Variants in SFTPD observed in about 807,000 individuals in gnomAD.
SFTPD encodes pulmonary surfactant-associated protein D.
A neutral mutation model predicts 34.6 loss-of-function variants in SFTPD; 18 were observed. That is an observed-to-expected ratio of 0.52 (90% CI 0.36 to 0.77). The LOEUF (loss-of-function observed/expected upper bound fraction) is 0.77. SFTPD is among the 30% of genes least tolerant of loss of function. The pLI, the probability that SFTPD is intolerant of heterozygous loss-of-function variation, is 0.00. For synonymous variants in SFTPD, 155 were observed against 180.9 expected (o/e 0.86, Z 1.15); for missense variants, 433 against 468.9 (o/e 0.92, Z 0.71).
At chr10:79,980,177 T>C (rs1219482885) in intron 1 of SFTPD, among the ~76,000 whole-genome samples, 4 of 152,118 alleles carry the variant, frequency 2.6e-5, no homozygotes, top group Non-Finnish European at 4.4e-5. Flanking sequence ...GCTGGCATCA[T>C]GTGCAACCCA....
At chr10:79,954,162 T>G (rs61858839) in intron 1 of SFTPD, among the ~76,000 whole-genome samples, 6 of 152,064 alleles carry the variant, frequency 3.9e-5, no homozygotes, top group African/African-American at 9.7e-5. Flanking sequence ...CAGATTGTGG[T>G]TTGGTTTGGT....
chr10:79,971,011 G>T (rs1251524444), intron 1 of SFTPD: 2 of 152,078 alleles, frequency 1.3e-5, no homozygotes, highest in Non-Finnish European at 2.9e-5. Flanking sequence ...TTTGTTATAT[G>T]TAGTCTTTAT....
At chr10:79,938,786 A>G (rs1362337342) in intron 7 of SFTPD, among the ~76,000 whole-genome samples, 1 of 152,168 alleles carries the variant, frequency 6.6e-6, no homozygotes, top group East Asian at 1.9e-4. Context: ...AGGAGAGGAC[A>G]TCTGAAAGCT....
chr10:79,957,240 G>A (rs1456653942), intron 1 of SFTPD, among the ~76,000 whole-genome samples: 2 of 152,210 alleles, frequency 1.3e-5, no homozygotes, highest in Non-Finnish European at 2.9e-5. Flanking sequence ...AAAAAGCAGA[G>A]TGCCTCTCCT....
chr10:79,941,278 C>T (rs1394719094), intron 6 of SFTPD, 120 bp downstream of exon 6: 1 of 852,130 alleles, frequency 1.2e-6, no homozygotes, highest in Non-Finnish European at 1.9e-6. Context: ...TGAGTTCCAC[C>T]CACCAGCTGC....
intron 1 of SFTPD, chr10:79,972,821 G>A (rs1004100218): frequency 6.6e-6 from 1 of 152,148 alleles, no homozygotes; most frequent in African/African-American, 2.4e-5. Flanking sequence ...CTCCCTTTTG[G>A]CAAGTTCAAA....
Position 79,942,024 on chromosome 10 carries a change from G to T in SFTPD, c.480C>A (p.Gly160=). Residue 160 remains glycine (G), a synonymous_variant, in exon 5 of 8, where the codon GGC becomes GGA. Coordinates refer to ENST00000372292, the MANE Select transcript of SFTPD (RefSeq NM_003019.5). The part of the protein sequence containing the change: ...PGMQGSAGAR[G]LAGPKGERGV... The stretch of plus-strand genomic sequence containing the variant: ...CTCGCTCTCCCTTAGGGCCTGCGAG[G>T]CCTCTTGCCCCTGCCGAGCCCTGCA... 6.2e-7 allele frequency: 1 copy of T among 1,613,992 alleles called. No individual in the cohort carries two copies. The highest frequency in any genetic ancestry group is 8.5e-7 in the Non-Finnish European group (1 of 1,179,958).
At chr10:79,955,173 T>G (rs1288499285) in intron 1 of SFTPD, among the ~76,000 whole-genome samples, 2 of 152,184 alleles carry the variant, frequency 1.3e-5, no homozygotes, top group Non-Finnish European at 2.9e-5. Flanking sequence ...CACAGCCTGG[T>G]GTTGGGTCTG....
intron 1 of SFTPD, among the ~76,000 whole-genome samples, chr10:79,974,031 GAC>G (rs1842850197): frequency 1.3e-5 from 2 of 150,166 alleles, no homozygotes; most frequent in African/African-American, 2.5e-5. Context: ...CAGACAGACA[GAC>G]ACACACCCAC....
intron 2 of SFTPD, 34 bp from the exon 3 acceptor site, chr10:79,942,913 C>T (rs774357693): frequency 1.4e-6 from 2 of 1,439,838 alleles, no homozygotes; most frequent in Non-Finnish European, 2.0e-6. Flanking sequence ...AAAGACCTGG[C>T]CCTAGACCCA....
intron 1 of SFTPD, among the ~76,000 whole-genome samples, chr10:79,975,924 C>G (rs977263912): frequency 6.6e-6 from 1 of 152,200 alleles, no homozygotes; most frequent in African/African-American, 2.4e-5. Flanking sequence ...GTTTTCCACC[C>G]TGGGTGGGCC....
In SFTPD at chr10:79,938,011, C is replaced by A; in HGVS notation, c.969G>T (p.Lys323Asn). ...LSMTDSKTEG[K>N]FTYPTGESLV... The stretch of plus-strand genomic sequence containing the variant: ...GGGACTCTCCTGTGGGGTAGGTGAA[C>A]TTGCCCTCTGTCTTGGAATCAGTCA... Residue 323 changes from lysine (K) to asparagine (N), a missense_variant, in exon 8 of 8, where the codon AAG (lysine) becomes AAT (asparagine). By Grantham distance (94) the Lys-to-Asn change is moderately conservative. Coordinates refer to ENST00000372292, the MANE Select transcript of SFTPD (RefSeq NM_003019.5). 1 of 1,613,930 alleles carries A rather than the reference C, an allele frequency of 6.2e-7. No homozygotes were observed. The highest frequency in any genetic ancestry group is 8.5e-7 in the Non-Finnish European group (1 of 1,179,844).
At chr10:79,960,076 C>A (rs1325924921) in intron 1 of SFTPD, among the ~76,000 whole-genome samples, 13 of 149,322 alleles carry the variant, frequency 8.7e-5, no homozygotes, top group Non-Finnish European at 1.3e-4. Flanking sequence ...GCAGAAAAGG[C>A]CTTTGACAAA....
At chr10:79,944,005 T>G (rs1275683741) in intron 2 of SFTPD, among the ~76,000 whole-genome samples, 2 of 152,202 alleles carry the variant, frequency 1.3e-5, no homozygotes, top group African/African-American at 2.4e-5. Context: ...AGCACCAGGG[T>G]GGAGGAGGGG....
rs144106182 is a variant in SFTPD at position 79,974,102 on chromosome 10, C to T, written c.36+8473G>A. 6.4e-3 allele frequency among the ~76,000 whole-genome samples: 969 copies of T among 152,258 alleles called. 14 individuals carry two copies. Among genetic ancestry groups the T allele is most frequent in the African/African-American group, 0.022 (930 of 41,532 alleles). On this transcript the variant is annotated intron_variant, in intron 1 of 5. Transcript: ENST00000444384. ...TAAATAAGCTGAAAAATTTATTTGA[C>T]AGCATTAGGACTATGCCGTTAGTTG... is the stretch of plus-strand genomic sequence containing the variant.
intron 2 of SFTPD, among the ~76,000 whole-genome samples, chr10:79,945,539 G>T (rs907074899): frequency 6.6e-6 from 1 of 151,982 alleles, no homozygotes; most frequent in East Asian, 1.9e-4. Flanking sequence ...CTCCTTTCTT[G>T]CCAGTAAGAC....
intron 1 of SFTPD, among the ~76,000 whole-genome samples, chr10:79,977,053 C>G (rs557300527): frequency 6.6e-6 from 1 of 152,308 alleles, no homozygotes; most frequent in South Asian, 2.1e-4. Context: ...AACTGTAAAT[C>G]CAATTAAGCC....
At chr10:79,943,225 A>G (rs1842631662) in intron 2 of SFTPD, among the ~76,000 whole-genome samples, 2 of 152,186 alleles carry the variant, frequency 1.3e-5, no homozygotes, top group African/African-American at 4.8e-5. Context: ...ATATTAGGGA[A>G]GCCAACCAGA....
intron 3 of SFTPD, 64 bp downstream of exon 3, chr10:79,942,698 AC>A (rs1233587869): frequency 5.9e-6 from 7 of 1,180,330 alleles, no homozygotes; most frequent in African/African-American, 1.5e-5. Context: ...GTGCGTGCCC[AC>A]TGGCATATCC....
Sources: allele counts gnomAD v4.1 joint callset (sites outside exome capture counted in the v4.1 genomes callset), GRCh38; gene constraint gnomAD v4.1.1; transcripts MANE v1.5; gene names NCBI Gene and HGNC (gene_info 2026-07-23, HGNC 2026-07-21).